IQCM: variants seen among roughly 807,000 people sequenced by gnomAD.
The protein encoded by IQCM is IQ domain-containing protein M.
Under a neutral mutation model 57.6 loss-of-function variants are expected in IQCM, and 45 were observed. That is an observed-to-expected ratio of 0.78 (90% CI 0.62 to 1.00). The LOEUF (loss-of-function observed/expected upper bound fraction) is 1.00, where lower values mean the gene tolerates loss of function less well. IQCM is among the 50% of genes least tolerant of loss of function. The pLI, the probability that IQCM is intolerant of heterozygous loss-of-function variation, is 0.00. For synonymous variants in IQCM, 148 were observed against 158.9 expected, an observed-to-expected ratio of 0.93 and a Z score of 0.51; for missense variants, 468 against 511.6, an observed-to-expected ratio of 0.91 and a Z score of 0.82.
intron 2 of IQCM, among the ~76,000 whole-genome samples, chr4:149,765,309 T>A (rs539359826): frequency 2.6e-4 from 39 of 152,156 alleles, no homozygotes; most frequent in African/African-American, 8.2e-4. Context: ...TTGGCCAAGA[T>A]AAAAATATGT....
At chr4:149,434,550 T>G (rs1735167674) in intron 12 of IQCM, among the ~76,000 whole-genome samples, 1 of 152,032 alleles carries the variant, frequency 6.6e-6, no homozygotes, top group African/African-American at 2.4e-5. Context: ...CCTCTTAGTC[T>G]CCTTTATTTT....
chr4:149,651,262 C>G (rs1030588325), intron 7 of IQCM, among the ~76,000 whole-genome samples: 2 of 152,062 alleles, frequency 1.3e-5, no homozygotes, highest in Non-Finnish European at 2.9e-5. Context: ...CAGAAGCACC[C>G]TGGACCACAT....
chr4:149,626,392 C>CATATATATATATATAT (rs371051488), intron 7 of IQCM, among the ~76,000 whole-genome samples: 1,666 of 120,494 alleles, frequency 0.014, 108 homozygotes, highest in African/African-American at 0.048. Flanking sequence ...ACTTAATAAA[C>CATATATATATATATAT]ATATATATAT....
intron 12 of IQCM, among the ~76,000 whole-genome samples, chr4:149,489,543 T>C (rs1741866958): frequency 1.3e-5 from 2 of 152,108 alleles, no homozygotes; most frequent in Non-Finnish European, 2.9e-5. Flanking sequence ...GGAATTTTTC[T>C]TTAATAAAGG....
At chr4:149,637,149 CAAAAAAAAAAAAG>C (rs1757795830) in intron 7 of IQCM, among the ~76,000 whole-genome samples, 1 of 38,978 alleles carries the variant, frequency 2.6e-5, no homozygotes, top group African/African-American at 9.6e-5. Flanking sequence ...GACTCCGTCT[CAAAAAAAAAAAAG>C]AAAAAAAAAA....
At chr4:149,562,443 A>G (rs1168155354) in intron 10 of IQCM, among the ~76,000 whole-genome samples, 1 of 152,210 alleles carries the variant, frequency 6.6e-6, no homozygotes, top group Non-Finnish European at 1.5e-5. Flanking sequence ...GAGTGGTAGA[A>G]CAGTTTATCA....
At chr4:149,735,793 G>A (rs984635808) in intron 3 of IQCM, among the ~76,000 whole-genome samples, 1 of 152,074 alleles carries the variant, frequency 6.6e-6, no homozygotes, top group African/African-American at 2.4e-5. Flanking sequence ...AATGTATGAA[G>A]CTGTACATTT....
At position 149,623,749 on chromosome 4, in the gene IQCM, G is replaced by A. The variant is rs147596643; in HGVS notation, c.566-2505C>T. ...TGTGTGTGTGTGTGTGTGTGTGTGTGTGTACACATGTGCACAAGAGTAGGC... is the reference window on the plus strand; with the variant it reads ...TGTGTGTGTGTGTGTGTGTGTGTGTATGTACACATGTGCACAAGAGTAGGC... On this transcript the variant is annotated intron_variant, in intron 7 of 13. Coordinates refer to ENST00000636793, the MANE Select transcript of IQCM (RefSeq NM_001363507.2). 4.3e-4 allele frequency among the ~76,000 whole-genome samples: 65 copies of A among 151,814 alleles called. 1 individual carries two copies. The highest frequency in any genetic ancestry group is 1.5e-3 in the African/African-American group (61 of 41,302).
At chr4:149,491,979 T>A (rs1469639934) in intron 12 of IQCM, among the ~76,000 whole-genome samples, 5 of 152,112 alleles carry the variant, frequency 3.3e-5, no homozygotes, top group Non-Finnish European at 7.4e-5. Flanking sequence ...TCATTGTGGT[T>A]TTTATTTTAA....
chr4:149,517,355 T>G (rs1459449149), intron 12 of IQCM, among the ~76,000 whole-genome samples: 1 of 152,222 alleles, frequency 6.6e-6, no homozygotes, highest in Admixed American at 6.5e-5. Context: ...CCCTTTATCA[T>G]GTGACATAAG....
At chr4:149,453,798 T>A (rs931553238) in intron 12 of IQCM, among the ~76,000 whole-genome samples, 1 of 151,866 alleles carries the variant, frequency 6.6e-6, no homozygotes, top group Admixed American at 6.6e-5. Context: ...CAACTTTGCA[T>A]AAGAGTTTGT....
chr4:149,383,639 C>T (rs1045663569), intron 13 of IQCM, among the ~76,000 whole-genome samples: 1 of 152,078 alleles, frequency 6.6e-6, no homozygotes, highest in Admixed American at 6.6e-5. Context: ...TATGATTAAT[C>T]TTCATATTCT....
chr4:149,558,637 A>G (rs1478327863), intron 10 of IQCM, among the ~76,000 whole-genome samples: 1 of 152,164 alleles, frequency 6.6e-6, no homozygotes, highest in Non-Finnish European at 1.5e-5. Context: ...ACAGGTTAGT[A>G]TGGGGCAGCT....
At chr4:149,594,861 G>A (rs1442329856) in intron 8 of IQCM, among the ~76,000 whole-genome samples, 3 of 152,166 alleles carry the variant, frequency 2.0e-5, no homozygotes, top group Admixed American at 1.3e-4. Flanking sequence ...TTGCTGAGGA[G>A]TGCTTTACTT....
intron 12 of IQCM, among the ~76,000 whole-genome samples, chr4:149,449,619 G>A (rs1219954169): frequency 6.6e-6 from 1 of 150,896 alleles, no homozygotes; most frequent in African/African-American, 2.4e-5. Flanking sequence ...TTAAATAGCT[G>A]CACATAAAAT....
intron 13 of IQCM, among the ~76,000 whole-genome samples, chr4:149,395,558 G>A (rs1732162457): frequency 6.6e-6 from 1 of 152,020 alleles, no homozygotes; most frequent in African/African-American, 2.4e-5. Context: ...TAAACAGGAA[G>A]GAATCCCAAA....
At chr4:149,672,354 A>T (rs1354949132) in intron 7 of IQCM, among the ~76,000 whole-genome samples, 1 of 152,182 alleles carries the variant, frequency 6.6e-6, no homozygotes, top group East Asian at 1.9e-4. Context: ...GTTCGAACCC[A>T]TTGCAAAGAA....
At chr4:149,560,501 A>C (rs1221214882) in intron 10 of IQCM, among the ~76,000 whole-genome samples, 1 of 152,184 alleles carries the variant, frequency 6.6e-6, no homozygotes, top group East Asian at 1.9e-4. Flanking sequence ...TAGAAGCATT[A>C]CATCGAGGGA....
In IQCM at chr4:149,590,828, C is replaced by T. The variant is rs182317834; in HGVS notation, c.682-2831G>A. Among the ~76,000 whole-genome samples, 318 of 152,122 alleles carry T rather than the reference C, an allele frequency of 2.1e-3. 5 individuals carry two copies. Among genetic ancestry groups the T allele is most frequent in the Admixed American group, 0.019 (284 of 15,268 alleles). On this transcript the variant is annotated intron_variant, in intron 8 of 13. Transcript: ENST00000636793. ...AGTATTCCATGGTGTATATGTGCCACATTTTCTTTATCCAGTATATTATTG... is the reference window on the plus strand; with the variant it reads ...AGTATTCCATGGTGTATATGTGCCATATTTTCTTTATCCAGTATATTATTG...
Sources: gnomAD v4.1 joint callset for allele counts (sites outside exome capture counted in the v4.1 genomes callset) on GRCh38, gnomAD v4.1.1 for gene constraint, MANE v1.5 for transcripts, NCBI Gene and HGNC (gene_info 2026-07-23, HGNC 2026-07-21) for gene names.